PRICKLE1: variants seen among roughly 807,000 people sequenced by gnomAD.
The protein encoded by PRICKLE1 is prickle planar cell polarity protein 1.
Under a neutral mutation model 70.2 loss-of-function variants are expected in PRICKLE1, and 14 were observed. The observed-to-expected ratio is 0.20, with a 90% CI of 0.13 to 0.31. The LOEUF is 0.31. Among genes scored for constraint, PRICKLE1 ranks in the 10% least tolerant of loss-of-function variants. The pLI is 1.00. For synonymous variants in PRICKLE1, 357 were observed against 379.9 expected (o/e 0.94, Z 0.70); for missense variants, 821 against 1,026.2 (o/e 0.80, Z 2.73).
intron 1 of PRICKLE1, among the ~76,000 whole-genome samples, chr12:42,522,044 C>T (rs993735527): frequency 5.3e-5 from 8 of 150,714 alleles, no homozygotes; most frequent in Non-Finnish European, 8.8e-5. Context: ...GGCACGATCT[C>T]GGCTCACTGC....
intron 1 of PRICKLE1, among the ~76,000 whole-genome samples, chr12:42,501,679 G>A (rs565281981): frequency 6.6e-6 from 1 of 151,814 alleles, no homozygotes; most frequent in East Asian, 1.9e-4. Flanking sequence ...CCCCCATACA[G>A]TCAGGCAAAT....
chr12:42,505,837 A>G (rs1444100953), intron 1 of PRICKLE1, among the ~76,000 whole-genome samples: 2 of 152,178 alleles, frequency 1.3e-5, no homozygotes, highest in Admixed American at 6.5e-5. Flanking sequence ...AGAAGCCTCA[A>G]TCATATCCCT....
At chr12:42,528,569 T>C in intron 1 of PRICKLE1, among the ~76,000 whole-genome samples, 1 of 152,362 alleles carries the variant, frequency 6.6e-6, no homozygotes, top group South Asian at 2.1e-4. Context: ...ACATTATTGC[T>C]TTAAAAATAT....
intron 1 of PRICKLE1, among the ~76,000 whole-genome samples, chr12:42,570,404 G>A (rs1940687914): frequency 6.6e-6 from 1 of 152,132 alleles, no homozygotes; most frequent in Admixed American, 6.5e-5. Context: ...AATTTTGAAT[G>A]GCACCCATAT....
chr12:42,468,301 CTA>C (rs1938180236), intron 5 of PRICKLE1, among the ~76,000 whole-genome samples: 1 of 152,168 alleles, frequency 6.6e-6, no homozygotes, highest in Admixed American at 6.5e-5. Flanking sequence ...ATGAGACCAT[CTA>C]CTACATGCTC....
chr12:42,460,669 G>C lies in PRICKLE1; in HGVS notation c.1640-4C>G, dbSNP rs1278327591. 1 of 1,606,754 alleles carries C rather than the reference G, an allele frequency of 6.2e-7. No homozygotes were observed. The highest frequency in any genetic ancestry group is 8.5e-7 in the Non-Finnish European group (1 of 1,179,974). ...TTTTCTCCATCCACCGAAGCCCCTA[G>C]AAGAGAGGCCAAAACAAGATGTGCT... is the stretch of plus-strand genomic sequence containing the variant. On this transcript the variant is annotated splice_region_variant and splice_polypyrimidine_tract_variant and intron_variant, in intron 7 of 7. Coordinates refer to ENST00000345127, the MANE Select transcript of PRICKLE1 (RefSeq NM_153026.3).
intron 1 of PRICKLE1, among the ~76,000 whole-genome samples, chr12:42,537,290 C>T (rs1940030674): frequency 6.6e-6 from 1 of 152,058 alleles, no homozygotes; most frequent in East Asian, 1.9e-4. Flanking sequence ...TCTGGAGTAG[C>T]TGGGACCACA....
chr12:42,569,956 C>T (rs1011198686), intron 1 of PRICKLE1, among the ~76,000 whole-genome samples: 2 of 152,210 alleles, frequency 1.3e-5, no homozygotes, highest in African/African-American at 2.4e-5. Flanking sequence ...AAGTGACCCC[C>T]GGCACTTCTT....
chr12:42,512,030 T>C (rs1323198674), intron 1 of PRICKLE1, among the ~76,000 whole-genome samples: 1 of 152,228 alleles, frequency 6.6e-6, no homozygotes, highest in Non-Finnish European at 1.5e-5. Flanking sequence ...GGGGTTGTGC[T>C]ATTCAAGCAA....
intron 1 of PRICKLE1, among the ~76,000 whole-genome samples, chr12:42,508,595 A>C (rs1277105495): frequency 1.3e-5 from 2 of 152,182 alleles, no homozygotes; most frequent in African/African-American, 4.8e-5. Flanking sequence ...TATTTCTTAG[A>C]GGTAAAAGAA....
At chr12:42,521,049 T>C (rs952816663) in intron 1 of PRICKLE1, among the ~76,000 whole-genome samples, 26 of 152,088 alleles carry the variant, frequency 1.7e-4, no homozygotes, top group African/African-American at 6.0e-4. Context: ...TGCACGCCTG[T>C]AATCCCAACT....
intron 1 of PRICKLE1, among the ~76,000 whole-genome samples, chr12:42,480,934 T>C (rs1593126898): frequency 6.6e-6 from 1 of 152,142 alleles, no homozygotes; most frequent in African/African-American, 2.4e-5. Flanking sequence ...AGAAGATTAA[T>C]ATGGTAGTGA....
In PRICKLE1 at chr12:42,589,111, C is replaced by T. The variant is rs1327799009; in HGVS notation, c.-49+354G>A. 1.3e-5 allele frequency: 2 copies of T among 152,304 alleles called. No homozygotes were observed. Among genetic ancestry groups the T allele is most frequent in the Non-Finnish European group, 1.5e-5 (1 of 68,112 alleles). 9.4% of individuals were successfully genotyped at this position (152,304 alleles called of 1,614,324 possible). A position where few individuals can be genotyped will look rare whatever the true frequency, so the allele number is the denominator to read the frequency against. Reference sequence around the variant, plus strand: ...CCTAAGCGGCGGGAACACGCCAACGCACCCTCGCCTCCCGGCGCCCCGCAT... The same window carrying T: ...CCTAAGCGGCGGGAACACGCCAACGTACCCTCGCCTCCCGGCGCCCCGCAT... On this transcript the variant is annotated intron_variant, in intron 1 of 7. Coordinates refer to ENST00000345127, the MANE Select transcript of PRICKLE1 (RefSeq NM_153026.3). The surrounding 1 kb of genome is among the most constrained non-coding windows in gnomAD (Gnocchi z 5.0).
At chr12:42,547,362 A>C (rs1273939124) in intron 1 of PRICKLE1, among the ~76,000 whole-genome samples, 9 of 152,220 alleles carry the variant, frequency 5.9e-5, no homozygotes, top group Non-Finnish European at 1.3e-4. Flanking sequence ...TCTGTAAATG[A>C]GGCTAGCAAA....
rs1023140080 is a variant in PRICKLE1 at position 42,465,984 on chromosome 12, C to T, written c.775+210G>A. On this transcript the variant is annotated intron_variant, in intron 6 of 7. Transcript: ENST00000345127. The stretch of plus-strand genomic sequence containing the variant: ...TTCACTAATCCAGTGTTTGCAGTAA[C>T]GTCACAGAACACAACTACTGCAAGT... The T allele has an allele frequency of 1.0e-4, 62 of 620,074 alleles. 1 individual carries two copies. The highest frequency in any genetic ancestry group is 7.6e-4 in the South Asian group (40 of 52,290). 38.4% of individuals were successfully genotyped at this position (620,074 alleles called of 1,614,324 possible). A position where few individuals can be genotyped will look rare whatever the true frequency, so the allele number is the denominator to read the frequency against.
chr12:42,572,082 T>C (rs1323248821), intron 1 of PRICKLE1, among the ~76,000 whole-genome samples: 1 of 152,186 alleles, frequency 6.6e-6, no homozygotes, highest in Non-Finnish European at 1.5e-5. Context: ...AAATTATTAA[T>C]ATCCCAGATG....
rs748454609 is a variant in PRICKLE1 at position 42,464,674 on chromosome 12, C to T, written c.1360G>A (p.Glu454Lys). ...ISDNMVKSKT[E>K]LKQNNQSLAS... ...AGGCTCTGGTTATTTTGCTTTAACT[C>T]GGTCTTACTTTTAACCATGTTATCA... Residue 454 changes from glutamate to lysine, a missense_variant, in exon 7 of 8, where the codon GAG becomes AAG. By Grantham distance (56) the Glu-to-Lys change is moderately conservative. Coordinates refer to ENST00000345127, the MANE Select transcript of PRICKLE1 (RefSeq NM_153026.3). This position sits in a 1 kb window ranked among gnomAD's most constrained non-coding sequence, Gnocchi z 4.2. 7 of 1,614,008 alleles carry T rather than the reference C, an allele frequency of 4.3e-6. No individual in the cohort carries two copies. The highest frequency in any genetic ancestry group is 1.7e-5 in the Admixed American group (1 of 60,004).
At chr12:42,585,487 C>T (rs779643205) in intron 1 of PRICKLE1, among the ~76,000 whole-genome samples, 15 of 152,176 alleles carry the variant, frequency 9.9e-5, no homozygotes, top group Admixed American at 5.9e-4. Flanking sequence ...CCACCCCCCA[C>T]AACTGGAAAT....
At chr12:42,533,280 CGTTAT>C (rs1296943467) in intron 1 of PRICKLE1, among the ~76,000 whole-genome samples, 1 of 148,754 alleles carries the variant, frequency 6.7e-6, no homozygotes, top group Non-Finnish European at 1.5e-5. Context: ...GTTAATGAAT[CGTTAT>C]GTTATTTAAT....
Sources: allele counts gnomAD v4.1 joint callset (sites outside exome capture counted in the v4.1 genomes callset), GRCh38; gene constraint gnomAD v4.1.1; non-coding constraint Gnocchi (gnomAD v3.1); transcripts MANE v1.5; gene names NCBI Gene and HGNC (gene_info 2026-07-23, HGNC 2026-07-21).